Variants in BTRC observed in about 807,000 individuals in gnomAD.
The protein encoded by BTRC is F-box/WD repeat-containing protein 1A.
Under a neutral mutation model 85.5 loss-of-function variants are expected in BTRC, and 42 were observed. The ratio of observed to expected loss-of-function variants is 0.49; its 90% confidence interval spans 0.38 to 0.64. The LOEUF (loss-of-function observed/expected upper bound fraction) is 0.64, where lower values mean the gene tolerates loss of function less well. Ranked by LOEUF, BTRC falls within the 30% of genes least tolerant of loss-of-function variation. BTRC has a pLI of 0.00. For missense variants in BTRC, 594 were observed against 743.5 expected (o/e 0.80, Z 2.34); for synonymous variants, 255 against 263.3 (o/e 0.97, Z 0.30).
chr10:101,541,364 A>G lies in BTRC; in HGVS notation c.1656+2993A>G, dbSNP rs576058281. Among the ~76,000 whole-genome samples, 10 of 151,314 alleles carry G rather than the reference A, an allele frequency of 6.6e-5. 1 individual carries two copies. The South Asian group carries it at 2.1e-3, about 32-fold the overall frequency. ...AAGCTCTGCCTCCTGGGTTCACGCC[A>G]TTCTCCTGCCTCAGCTTCCTGAGTA... On this transcript the variant is annotated intron_variant, in intron 13 of 14. Coordinates refer to ENST00000370187, the MANE Select transcript of BTRC (RefSeq NM_033637.4).
At chr10:101,532,806 G>GCGCA (rs1564831152) in intron 8 of BTRC, 146 bp from the exon 9 acceptor site, 16 of 662,944 alleles carry the variant, frequency 2.4e-5, no homozygotes, top group South Asian at 1.8e-4. Flanking sequence ...GTGCGCGCGC[G>GCGCA]CGCGCTTAGC....
intron 1 of BTRC, among the ~76,000 whole-genome samples, chr10:101,385,623 T>TTC (rs1405660773): frequency 3.5e-5 from 5 of 140,890 alleles, no homozygotes; most frequent in African/African-American, 1.3e-4. Context: ...TTCTTCTTTT[T>TTC]TTTTTTTTTT....
chr10:101,472,739 C>T (rs1945566540), intron 3 of BTRC, among the ~76,000 whole-genome samples: 3 of 152,244 alleles, frequency 2.0e-5, no homozygotes, highest in South Asian at 2.1e-4. Context: ...TGCTTGAACC[C>T]GGGAGACGGA....
intron 1 of BTRC, among the ~76,000 whole-genome samples, chr10:101,385,575 A>T (rs1439074909): frequency 3.0e-5 from 4 of 133,450 alleles, no homozygotes; most frequent in South Asian, 2.3e-4. Flanking sequence ...TTTTTTTTTT[A>T]ATTTAGTTTT....
rs74746286 is a variant in BTRC, at chr10:101,485,288, A to G, written c.324+5831A>G. On this transcript the variant is annotated intron_variant, in intron 4 of 14. Transcript: ENST00000370187. The stretch of plus-strand genomic sequence containing the variant: ...TGCAGTCTTCTTGCTACCGGCACTC[A>G]TTGTTAAACATACAAGAAAAAGAAA... Among the ~76,000 whole-genome samples, 7 of 152,378 alleles carry G rather than the reference A, an allele frequency of 4.6e-5. No homozygotes were observed. The East Asian group carries it at 1.3e-3, about 29-fold the overall frequency.
chr10:101,385,331 C>T (rs1468414987), intron 1 of BTRC, among the ~76,000 whole-genome samples: 1 of 139,486 alleles, frequency 7.2e-6, no homozygotes, highest in Non-Finnish European at 1.5e-5. Context: ...CGCGCCACTG[C>T]ACTCCAGCCT....
intron 1 of BTRC, among the ~76,000 whole-genome samples, chr10:101,403,348 T>C (rs1943535485): frequency 6.6e-6 from 1 of 152,216 alleles, no homozygotes; most frequent in African/African-American, 2.4e-5. Context: ...GGCATTGGAA[T>C]ACCTTTAGGA....
At chr10:101,532,543 T>C in intron 8 of BTRC, 111 bp downstream of exon 8, 1 of 1,357,086 alleles carries the variant, frequency 7.4e-7, no homozygotes, top group Non-Finnish European at 9.7e-7. Flanking sequence ...TAAGTGAAGA[T>C]TTTAGATTGT....
Position 101,375,501 on chromosome 10 carries a change from A to T in BTRC, c.48+21273A>T, listed in dbSNP as rs73346281. 4.7e-3 allele frequency among the ~76,000 whole-genome samples: 712 copies of T among 152,262 alleles called. 9 individuals are homozygous for T. The highest frequency in any genetic ancestry group is 0.015 in the African/African-American group (620 of 41,540). On this transcript the variant is annotated intron_variant, in intron 1 of 14. Coordinates refer to ENST00000370187, the MANE Select transcript of BTRC (RefSeq NM_033637.4). ...TTTCTTTATAGCAGTGCAAAAATGGACTCATATACAAGGGTATACATTCAG... is the reference window on the plus strand; with the variant it reads ...TTTCTTTATAGCAGTGCAAAAATGGTCTCATATACAAGGGTATACATTCAG...
At chr10:101,384,117 G>T (rs1943006285) in intron 1 of BTRC, among the ~76,000 whole-genome samples, 1 of 152,192 alleles carries the variant, frequency 6.6e-6, no homozygotes, top group Non-Finnish European at 1.5e-5. Flanking sequence ...TGATCAGTTT[G>T]TGCTTTCAGT....
chr10:101,451,091 G>A (rs1305580963), intron 2 of BTRC, among the ~76,000 whole-genome samples: 1 of 152,142 alleles, frequency 6.6e-6, no homozygotes, highest in Non-Finnish European at 1.5e-5. Context: ...GGGAATGTTT[G>A]TTAGACTTAA....
intron 3 of BTRC, among the ~76,000 whole-genome samples, chr10:101,472,275 C>CTCCCTTCTCTTCTCTTCTCT (rs1945546584): frequency 8.8e-6 from 1 of 114,244 alleles, no homozygotes; most frequent in Non-Finnish European, 1.9e-5. Flanking sequence ...TTTTCTTTTC[C>CTCCCTTCTCTTCTCTTCTCT]TCTCTTCTCT....
chr10:101,491,418 C>A (rs1193558012), intron 4 of BTRC, among the ~76,000 whole-genome samples: 1 of 152,038 alleles, frequency 6.6e-6, no homozygotes, highest in African/African-American at 2.4e-5. Context: ...TGTCCCTTGG[C>A]CTGGTTCGGC....
intron 4 of BTRC, among the ~76,000 whole-genome samples, chr10:101,510,562 G>T (rs1353724428): frequency 6.6e-6 from 1 of 151,594 alleles, no homozygotes; most frequent in Non-Finnish European, 1.5e-5. Flanking sequence ...ATTAAAACCT[G>T]ACAACAGCCT....
chr10:101,535,490 TG>T lies in BTRC; in HGVS notation c.1466+19del. 6.5e-7 allele frequency: 1 copy of T among 1,542,900 alleles called. No homozygotes were observed. The highest frequency in any genetic ancestry group is 9.0e-7 in the Non-Finnish European group (1 of 1,117,158). ...ACTATCAGGTGAGCAGCAAGTGCCTTGTATCATAAGGGATCAATATTATGCT... is the reference window on the plus strand; with the variant it reads ...ACTATCAGGTGAGCAGCAAGTGCCTTTATCATAAGGGATCAATATTATGCT... On this transcript the variant is annotated intron_variant, in intron 11 of 14. Transcript: ENST00000370187.
chr10:101,390,058 C>T (rs1943197069), intron 1 of BTRC, among the ~76,000 whole-genome samples: 1 of 152,110 alleles, frequency 6.6e-6, no homozygotes, highest in Non-Finnish European at 1.5e-5. Flanking sequence ...AAAGTAAATG[C>T]CCCTTTCCTT....
intron 1 of BTRC, among the ~76,000 whole-genome samples, chr10:101,385,940 A>G (rs963151458): frequency 6.6e-6 from 1 of 152,006 alleles, no homozygotes; most frequent in East Asian, 1.9e-4. Context: ...TGACTGTAAA[A>G]CTTGAGCTTC....
intron 4 of BTRC, among the ~76,000 whole-genome samples, chr10:101,484,218 G>A (rs1439142665): frequency 6.6e-6 from 1 of 152,126 alleles, no homozygotes; most frequent in Non-Finnish European, 1.5e-5. Context: ...AAAATGTGAT[G>A]TTCCTTTCCA....
chr10:101,359,000 A>G (rs1244741718), intron 1 of BTRC, among the ~76,000 whole-genome samples: 1 of 152,166 alleles, frequency 6.6e-6, no homozygotes, highest in Non-Finnish European at 1.5e-5. Context: ...GGTATCGGCC[A>G]AGTTTGTGGG....
Sources: gnomAD v4.1 joint callset for allele counts (sites outside exome capture counted in the v4.1 genomes callset) on GRCh38, gnomAD v4.1.1 for gene constraint, MANE v1.5 for transcripts, NCBI Gene and HGNC (gene_info 2026-07-23, HGNC 2026-07-21) for gene names.